The following MAP2 variants were observed in gnomAD, a reference collection of about 807,000 sequenced individuals.
MAP2 encodes microtubule-associated protein 2.
A neutral mutation model predicts 137.6 loss-of-function variants in MAP2; 14 were observed. The ratio of observed to expected loss-of-function variants is 0.10; its 90% CI spans 0.07 to 0.16. The LOEUF (loss-of-function observed/expected upper bound fraction) is 0.16. Ranked by LOEUF, MAP2 falls within the 10% of genes least tolerant of loss-of-function variation. The pLI is 1.00. For synonymous variants in MAP2, 786 were observed against 782.3 expected (o/e 1.00, Z -0.08); for missense variants, 2,088 against 2,191.5 (o/e 0.95, Z 0.94).
intron 1 of MAP2, among the ~76,000 whole-genome samples, chr2:209,484,123 G>T (rs2058068888): frequency 6.6e-6 from 1 of 151,942 alleles, no homozygotes; most frequent in African/African-American, 2.4e-5. Context: ...TTTCTTCTAA[G>T]AACAATATAA....
At chr2:209,605,978 A>C (rs547220196) in intron 3 of MAP2, among the ~76,000 whole-genome samples, 2 of 152,204 alleles carry the variant, frequency 1.3e-5, no homozygotes, top group African/African-American at 4.8e-5. Context: ...GAGAAAGGGT[A>C]AAGTTAGTGT....
chr2:209,617,095 T>G (rs535689294), intron 3 of MAP2, among the ~76,000 whole-genome samples: 1 of 152,108 alleles, frequency 6.6e-6, no homozygotes, highest in East Asian at 1.9e-4. Flanking sequence ...ATAATGATAT[T>G]TTTAGGTTTT....
intron 4 of MAP2, among the ~76,000 whole-genome samples, chr2:209,649,575 C>A: frequency 6.6e-6 from 1 of 151,960 alleles, no homozygotes; most frequent in East Asian, 1.9e-4. Flanking sequence ...TCCTTTTGTT[C>A]AATAAACTTT....
rs147179771 is a variant in MAP2 at position 209,617,872 on chromosome 2, C to T, written c.-106-7181C>T. The stretch of plus-strand genomic sequence containing the variant: ...AGCATTGTTTGAAATCTATTGTGTA[C>T]GTATATGGTTTAACATTTTTTTATC... On this transcript the variant is annotated intron_variant, in intron 3 of 15. Coordinates refer to ENST00000682079, the MANE Select transcript of MAP2 (RefSeq NM_001375505.1). Among the ~76,000 whole-genome samples, 185 of 151,968 alleles carry T rather than the reference C, an allele frequency of 1.2e-3. 1 individual carries two copies. Among genetic ancestry groups the T allele is most frequent in the African/African-American group, 4.1e-3 (172 of 41,484 alleles).
chr2:209,618,124 G>A (rs764814122), intron 3 of MAP2, among the ~76,000 whole-genome samples: 3 of 152,086 alleles, frequency 2.0e-5, no homozygotes, highest in Non-Finnish European at 2.9e-5. Context: ...TTCCTGGAGT[G>A]GTTGGGGAAT....
At chr2:209,682,241 A>G (rs888117044) in intron 7 of MAP2, among the ~76,000 whole-genome samples, 3 of 152,186 alleles carry the variant, frequency 2.0e-5, no homozygotes, top group African/African-American at 7.2e-5. Flanking sequence ...CGGTAATCCC[A>G]GCACTTTGGG....
At chr2:209,670,029 A>G (rs2048109714) in intron 5 of MAP2, among the ~76,000 whole-genome samples, 1 of 152,036 alleles carries the variant, frequency 6.6e-6, no homozygotes, top group Non-Finnish European at 1.5e-5. Flanking sequence ...AGAGTAGTAC[A>G]ATTGTAACAG....
chr2:209,674,500 A>G (rs1335638734), intron 5 of MAP2, among the ~76,000 whole-genome samples: 1 of 151,776 alleles, frequency 6.6e-6, no homozygotes, highest in Non-Finnish European at 1.5e-5. Context: ...ATAGTATGAA[A>G]TAACTAGAAA....
At chr2:209,698,047 A>T (rs567906945) in intron 10 of MAP2, among the ~76,000 whole-genome samples, 1 of 150,424 alleles carries the variant, frequency 6.6e-6, no homozygotes, top group Non-Finnish European at 1.5e-5. Flanking sequence ...ACGGGGTTTC[A>T]CCATCTTGGC....
chr2:209,455,647 T>A (rs1384495295), intron 1 of MAP2, among the ~76,000 whole-genome samples: 1 of 152,224 alleles, frequency 6.6e-6, no homozygotes, highest in Non-Finnish European at 1.5e-5. Context: ...CACGGCTTCA[T>A]GTTCTTAATA....
intron 1 of MAP2, among the ~76,000 whole-genome samples, chr2:209,462,806 T>C (rs909598612): frequency 1.1e-4 from 17 of 152,296 alleles, no homozygotes; most frequent in African/African-American, 4.1e-4. Flanking sequence ...GTTTAGTAAA[T>C]AAATATATTG....
chr2:209,534,157 T>C (rs751025942), intron 2 of MAP2, among the ~76,000 whole-genome samples: 1 of 152,254 alleles, frequency 6.6e-6, no homozygotes, highest in Non-Finnish European at 1.5e-5. Context: ...TGAGACCTTT[T>C]GTTAGTTTGC....
intron 5 of MAP2, among the ~76,000 whole-genome samples, chr2:209,668,393 C>A (rs2047278894): frequency 6.6e-6 from 1 of 151,946 alleles, no homozygotes; most frequent in Admixed American, 6.6e-5. Context: ...GATTTGTATG[C>A]TATTTGCAAA....
intron 4 of MAP2, among the ~76,000 whole-genome samples, chr2:209,646,574 G>C (rs561716937): frequency 6.6e-6 from 1 of 152,164 alleles, no homozygotes; most frequent in Non-Finnish European, 1.5e-5. Context: ...AGTCAATACT[G>C]TAGAAATCTG....
chr2:209,523,757 A>C (rs2063611046), intron 2 of MAP2, among the ~76,000 whole-genome samples: 1 of 152,160 alleles, frequency 6.6e-6, no homozygotes, highest in East Asian at 1.9e-4. Context: ...TCAAAGATTG[A>C]AGTGCCCTAG....
intron 2 of MAP2, among the ~76,000 whole-genome samples, chr2:209,549,339 C>T (rs898951054): frequency 6.6e-6 from 1 of 152,066 alleles, no homozygotes; most frequent in Non-Finnish European, 1.5e-5. Flanking sequence ...CAGACTTGTG[C>T]AAGGCTTCAG....
chr2:209,525,197 G>A (rs2063843283), intron 2 of MAP2, among the ~76,000 whole-genome samples: 1 of 152,096 alleles, frequency 6.6e-6, no homozygotes, highest in Non-Finnish European at 1.5e-5. Context: ...CTTTTGTTAA[G>A]TGAATTAGCT....
chr2:209,629,056 A>G (rs1438439216), intron 4 of MAP2, among the ~76,000 whole-genome samples: 1 of 152,218 alleles, frequency 6.6e-6, no homozygotes. Flanking sequence ...GAGAAACTTT[A>G]CTTAGCTGAT....
chr2:209,549,010 T>C (rs80330988), intron 2 of MAP2, among the ~76,000 whole-genome samples: 2,902 of 152,278 alleles, frequency 0.019, 93 homozygotes, highest in African/African-American at 0.066. Context: ...TTGGTCTTTC[T>C]GTGTTTCTAG....
Sources: gnomAD v4.1 joint callset for allele counts (sites outside exome capture counted in the v4.1 genomes callset) on GRCh38, gnomAD v4.1.1 for gene constraint, MANE v1.5 for transcripts, NCBI Gene and HGNC (gene_info 2026-07-23, HGNC 2026-07-21) for gene names.